TENM3: variants seen among roughly 807,000 people sequenced by gnomAD.
The protein encoded by TENM3 is teneurin-3.
A neutral mutation model predicts 255.1 loss-of-function variants in TENM3; 63 were observed. The observed-to-expected ratio is 0.25, with a 90% CI of 0.20 to 0.30. The LOEUF is 0.30. Among genes scored for constraint, TENM3 ranks in the 10% least tolerant of loss-of-function variants. The probability of loss-of-function intolerance (pLI) is 1.00; values close to 1 mark genes in which losing one functional copy is unlikely to be tolerated. For missense variants in TENM3, 2,929 were observed against 3,461.1 expected, an observed-to-expected ratio of 0.85 and a Z score of 3.86; for synonymous variants, 1,306 against 1,322.3, an observed-to-expected ratio of 0.99 and a Z score of 0.27.
the TENM3 span, among the ~76,000 whole-genome samples, chr4:181,605,605 G>A: frequency 1.6e-5 from 2 of 122,192 alleles, no homozygotes; most frequent in South Asian, 2.5e-4. Context: ...AAGAAAGAAA[G>A]AAAGAAAGAA....
the TENM3 span, among the ~76,000 whole-genome samples, chr4:181,541,081 T>C: frequency 1.3e-5 from 2 of 152,128 alleles, no homozygotes; most frequent in African/African-American, 2.4e-5. Flanking sequence ...AGTATATGCA[T>C]TGAAAGTTCA....
the TENM3 span, among the ~76,000 whole-genome samples, chr4:182,072,071 C>G: frequency 6.6e-6 from 1 of 152,276 alleles, no homozygotes; most frequent in South Asian, 2.1e-4. Flanking sequence ...GTCTGATCAC[C>G]CATACATGGC....
At chr4:181,849,431 A>G in the TENM3 span, among the ~76,000 whole-genome samples, 1 of 152,202 alleles carries the variant, frequency 6.6e-6, no homozygotes, top group Non-Finnish European at 1.5e-5. Flanking sequence ...AGCAATGATG[A>G]GCAAAGTCAT....
At chr4:182,449,237 C>CGCTCCGCTCCGGAGCCGGTGGCTCCGCTT (rs758941265) in intron 3 of TENM3, among the ~76,000 whole-genome samples, 1 of 149,490 alleles carries the variant, frequency 6.7e-6, no homozygotes, top group Non-Finnish European at 1.5e-5. Flanking sequence ...CGGCTCCGCT[C>CGCTCCGCTCCGGAGCCGGTGGCTCCGCTT]TTCTCCCTTG....
At chr4:182,788,353 G>C (rs1488946992) in intron 24 of TENM3, among the ~76,000 whole-genome samples, 1 of 152,180 alleles carries the variant, frequency 6.6e-6, no homozygotes, top group Non-Finnish European at 1.5e-5. Flanking sequence ...TGTATGCCTC[G>C]GATGGCAGAC....
intron 22 of TENM3, among the ~76,000 whole-genome samples, chr4:182,769,827 G>A (rs780261395): frequency 8.6e-5 from 13 of 151,872 alleles, no homozygotes; most frequent in African/African-American, 3.1e-4. Context: ...CCTTTTGGCC[G>A]GGCGTGGTGG....
intron 1 of TENM3, among the ~76,000 whole-genome samples, chr4:182,171,428 T>C (rs1444829919): frequency 6.6e-6 from 1 of 152,200 alleles, no homozygotes; most frequent in Non-Finnish European, 1.5e-5. Context: ...TTTCTGTTTT[T>C]AAAAATGTGT....
intron 3 of TENM3, among the ~76,000 whole-genome samples, chr4:182,599,217 C>A (rs566812713): frequency 5.3e-5 from 8 of 152,286 alleles, no homozygotes; most frequent in Admixed American, 2.0e-4. Flanking sequence ...AATAATAAAT[C>A]TTTCATGAAT....
intron 7 of TENM3, among the ~76,000 whole-genome samples, chr4:182,678,931 AATG>A (rs1755870404): frequency 6.6e-6 from 1 of 152,166 alleles, no homozygotes; most frequent in Non-Finnish European, 1.5e-5. Context: ...GAAAGAGGAG[AATG>A]ATGGTTCTCA....
chr4:182,468,625 T>C (rs1057477208), intron 3 of TENM3, among the ~76,000 whole-genome samples: 1 of 152,200 alleles, frequency 6.6e-6, no homozygotes, highest in African/African-American at 2.4e-5. Flanking sequence ...GAAATGTTCC[T>C]GATGATGAAA....
At chr4:182,213,684 T>A (rs1456287536) in intron 1 of TENM3, among the ~76,000 whole-genome samples, 1 of 152,244 alleles carries the variant, frequency 6.6e-6, no homozygotes, top group Non-Finnish European at 1.5e-5. Context: ...CTTAGCTCTA[T>A]TTGCATGCCA....
chr4:182,570,436 A>G (rs1345804805), intron 3 of TENM3, among the ~76,000 whole-genome samples: 10 of 152,230 alleles, frequency 6.6e-5, no homozygotes, highest in Admixed American at 4.6e-4. Flanking sequence ...CATGCCTGCA[A>G]AGATGTAAGA....
At chr4:182,551,219 T>TA (rs34487025) in intron 3 of TENM3, among the ~76,000 whole-genome samples, 5,254 of 112,154 alleles carry the variant, frequency 0.047, 365 homozygotes, top group African/African-American at 0.17. Flanking sequence ...AGACTCCATC[T>TA]AAAAAAAAAA....
the TENM3 span, among the ~76,000 whole-genome samples, chr4:181,699,472 A>AAAAAAAAT: frequency 1.5e-5 from 2 of 133,054 alleles, no homozygotes; most frequent in African/African-American, 6.0e-5. Context: ...AAAAAAAAAA[A>AAAAAAAAT]GAAAGAAAGA....
chr4:182,559,189 T>C (rs1230625405), intron 3 of TENM3, among the ~76,000 whole-genome samples: 2 of 150,522 alleles, frequency 1.3e-5, no homozygotes, highest in Non-Finnish European at 3.0e-5. Flanking sequence ...AACCAAAATA[T>C]TTTATAGCGC....
the TENM3 span, among the ~76,000 whole-genome samples, chr4:181,911,300 T>A: frequency 6.6e-6 from 1 of 152,196 alleles, no homozygotes; most frequent in African/African-American, 2.4e-5. Flanking sequence ...ATAAATGGAT[T>A]AAGGTGGTGG....
chr4:182,715,843 C>A (rs978424511), intron 13 of TENM3, among the ~76,000 whole-genome samples: 1 of 152,170 alleles, frequency 6.6e-6, no homozygotes, highest in Non-Finnish European at 1.5e-5. Flanking sequence ...CTTATCCTTC[C>A]GACAAGGTGC....
At chr4:182,332,708 GAA>G (rs112751092) in intron 2 of TENM3, among the ~76,000 whole-genome samples, 3,037 of 100,156 alleles carry the variant, frequency 0.03, 97 homozygotes, top group African/African-American at 0.097. Context: ...AAAGAAAAAA[GAA>G]AAAAAAAAAA....
At chr4:182,014,285 CCTTAGCT>C in the TENM3 span, among the ~76,000 whole-genome samples, 77 of 151,560 alleles carry the variant, frequency 5.1e-4, no homozygotes, top group Non-Finnish European at 9.7e-4. Context: ...TTACCATTAG[CCTTAGCT>C]CTATTAAATA....
Sources: gnomAD v4.1 joint callset for allele counts (sites outside exome capture counted in the v4.1 genomes callset) on GRCh38, gnomAD v4.1.1 for gene constraint, MANE v1.5 for transcripts, NCBI Gene and HGNC (gene_info 2026-07-23, HGNC 2026-07-21) for gene names.